VPS8: variants seen among roughly 807,000 people sequenced by gnomAD.
VPS8 encodes the protein VPS8 subunit of CORVET complex.
A neutral mutation model predicts 216.4 loss-of-function variants in VPS8; 129 were observed. The ratio of observed to expected loss-of-function variants is 0.60; its 90% CI spans 0.52 to 0.69. The LOEUF is 0.69. Ranked by LOEUF, VPS8 falls within the 30% of genes least tolerant of loss-of-function variation. VPS8 has a pLI of 0.00. For missense variants in VPS8, 1,531 were observed against 1,683.5 expected (o/e 0.91, Z 1.59); for synonymous variants, 571 against 565.4 (o/e 1.01, Z -0.14).
chr3:184,947,549 G>GT lies in VPS8; in HGVS notation c.3035+7319dup, dbSNP rs759863415. Among the ~76,000 whole-genome samples, 642 of 144,530 alleles carry GT rather than the reference G, an allele frequency of 4.4e-3. 2 individuals carry two copies. The highest frequency in any genetic ancestry group is 0.025 in the Middle Eastern group (7 of 282). 94.8% of individuals were successfully genotyped at this position (144,530 alleles called of 152,430 possible). The stretch of plus-strand genomic sequence containing the variant: ...TTTCAGGAGGTGATGTTGTGGGCAG[G>GT]TTTTTTTTTTTTTAAATCAAAATCA... On this transcript the variant is annotated intron_variant, in intron 36 of 47. Transcript: ENST00000625842.
intron 45 of VPS8, among the ~76,000 whole-genome samples, chr3:185,019,887 G>T (rs1756404111): frequency 6.6e-6 from 1 of 152,180 alleles, no homozygotes; most frequent in African/African-American, 2.4e-5. Context: ...GCGTCACTTT[G>T]GTTCAGGCCA....
At chr3:184,956,785 T>C (rs879739807) in intron 36 of VPS8, among the ~76,000 whole-genome samples, 2 of 152,146 alleles carry the variant, frequency 1.3e-5, no homozygotes, top group Non-Finnish European at 2.9e-5. Flanking sequence ...CCCATAAATA[T>C]TGTGTATTTT....
intron 25 of VPS8, among the ~76,000 whole-genome samples, chr3:184,907,265 G>T (rs776612622): frequency 2.6e-5 from 4 of 152,140 alleles, no homozygotes; most frequent in African/African-American, 4.8e-5. Flanking sequence ...AATTTAGTCT[G>T]GCTCAGTGAA....
At chr3:184,910,181 G>A (rs960087491) in intron 25 of VPS8, among the ~76,000 whole-genome samples, 6 of 132,690 alleles carry the variant, frequency 4.5e-5, no homozygotes, top group Non-Finnish European at 7.6e-5. Context: ...CGCCCAGGCC[G>A]TTACTGCAGT....
At chr3:184,939,623 C>T (rs1277379256) in intron 35 of VPS8, among the ~76,000 whole-genome samples, 1 of 150,354 alleles carries the variant, frequency 6.7e-6, no homozygotes, top group African/African-American at 2.5e-5. Context: ...CAGAAAGTCA[C>T]GTAAGTGAGT....
chr3:184,960,771 T>C (rs554535732), intron 37 of VPS8, among the ~76,000 whole-genome samples: 1 of 152,278 alleles, frequency 6.6e-6, no homozygotes, highest in South Asian at 2.1e-4. Flanking sequence ...TTTAAAAGAT[T>C]GGATCAGAAT....
At chr3:184,959,846 T>A (rs1479995323) in intron 37 of VPS8, among the ~76,000 whole-genome samples, 1 of 152,106 alleles carries the variant, frequency 6.6e-6, no homozygotes, top group African/African-American at 2.4e-5. Context: ...TTTTTTTAAT[T>A]TTTTTATTAT....
At chr3:184,877,235 TA>T (rs1729430050) in intron 21 of VPS8, among the ~76,000 whole-genome samples, 1 of 152,324 alleles carries the variant, frequency 6.6e-6, no homozygotes, top group East Asian at 1.9e-4. Context: ...TCTAAAATAC[TA>T]TGCACTGAAG....
At chr3:184,858,316 AAG>A (rs1233373910) in intron 14 of VPS8, among the ~76,000 whole-genome samples, 1 of 152,208 alleles carries the variant, frequency 6.6e-6, no homozygotes, top group Non-Finnish European at 1.5e-5. Context: ...GAACTTCAAA[AAG>A]TTTGTGGAAA....
chr3:184,977,583 G>T (rs906701279), intron 40 of VPS8, among the ~76,000 whole-genome samples: 1 of 152,024 alleles, frequency 6.6e-6, no homozygotes, highest in Non-Finnish European at 1.5e-5. Context: ...TTTATACTCT[G>T]AGGTCTTACA....
chr3:184,894,960 A>G, intron 23 of VPS8, 35 bp downstream of exon 23: 1 of 1,525,966 alleles, frequency 6.6e-7, no homozygotes, highest in African/African-American at 1.4e-5. Context: ...CTTATGAAAT[A>G]AACTTCATTC....
At chr3:184,990,638 G>A (rs1335815505) in intron 42 of VPS8, among the ~76,000 whole-genome samples, 4 of 152,156 alleles carry the variant, frequency 2.6e-5, no homozygotes, top group Admixed American at 2.0e-4. Flanking sequence ...AGTTTATTCA[G>A]TTTTGAAATG....
At position 184,853,981 on chromosome 3, in the gene VPS8, T is replaced by A; in HGVS notation, c.946T>A (p.Ser316Thr). 1 of 1,613,784 alleles carries A rather than the reference T, an allele frequency of 6.2e-7. No homozygotes were observed. Among genetic ancestry groups the A allele is most frequent in the Middle Eastern group, 1.6e-4 (1 of 6,062 alleles). ...ELKDHPITQF[S>T]LLAMASLTKI... ...GAAAGATCATCCCATCACACAGTTT[T>A]CATTATTGGCCATGGCATCCTTGAC... is the stretch of plus-strand genomic sequence containing the variant. The change falls in exon 12 of 48, where the codon TCA becomes ACA. Residue 316 changes from serine to threonine, a missense_variant. Transcript: ENST00000625842.
intron 32 of VPS8, among the ~76,000 whole-genome samples, chr3:184,929,243 G>GA (rs1386891226): frequency 6.6e-6 from 1 of 152,016 alleles, no homozygotes; most frequent in Non-Finnish European, 1.5e-5. Flanking sequence ...GACCAGGCTG[G>GA]AGTGCAGTGG....
rs760157188 is a variant in VPS8, at chr3:184,894,942, T to G, written c.2004+17T>G. The G allele has an allele frequency of 3.2e-6, 5 of 1,568,078 alleles. No individual in the cohort carries two copies. The South Asian group carries it at 5.8e-5, about 18-fold the overall frequency. ...ATTCAGCAGGTGAGTTTATAGACAGTCTACTAACTTATGAAATAAACTTCA... is the reference window on the plus strand; with the variant it reads ...ATTCAGCAGGTGAGTTTATAGACAGGCTACTAACTTATGAAATAAACTTCA... On this transcript the variant is annotated intron_variant, in intron 23 of 47. Transcript: ENST00000625842.
intron 10 of VPS8, 49 bp from the exon 11 acceptor site, chr3:184,852,451 A>T (rs1724478071): frequency 6.4e-7 from 1 of 1,561,070 alleles, no homozygotes; most frequent in Non-Finnish European, 8.8e-7. Context: ...CCTCCTTAAT[A>T]CTTGACTGTT....
intron 40 of VPS8, among the ~76,000 whole-genome samples, chr3:184,973,575 G>C (rs902188562): frequency 2.0e-5 from 3 of 151,954 alleles, no homozygotes; most frequent in Non-Finnish European, 4.4e-5. Context: ...GTCTTCTAGC[G>C]GTTTTGAAAT....
chr3:184,895,467 G>A (rs948352505), intron 23 of VPS8, among the ~76,000 whole-genome samples: 4 of 151,580 alleles, frequency 2.6e-5, no homozygotes, highest in South Asian at 2.1e-4. Flanking sequence ...AAATACTTCC[G>A]CTGTATCTGA....
At position 184,870,700 on chromosome 3, in the gene VPS8, G is replaced by C. The variant is rs778107446; in HGVS notation, c.1645-16G>C. On this transcript the variant is annotated splice_polypyrimidine_tract_variant and intron_variant, in intron 20 of 47. Transcript: ENST00000625842. Reference sequence around the variant, plus strand: ...AGATATATTTTAATGTCTATGCCAGGCTGTTTTCCTTACAGATGGTAGAAA... The same window carrying C: ...AGATATATTTTAATGTCTATGCCAGCCTGTTTTCCTTACAGATGGTAGAAA... 6.3e-7 allele frequency: 1 copy of C among 1,597,240 alleles called. No individual in the cohort carries two copies. Among genetic ancestry groups the C allele is most frequent in the East Asian group, 2.2e-5 (1 of 44,518 alleles).
Sources: allele counts gnomAD v4.1 joint callset (sites outside exome capture counted in the v4.1 genomes callset), GRCh38; gene constraint gnomAD v4.1.1; transcripts MANE v1.5; gene names NCBI Gene and HGNC (gene_info 2026-07-23, HGNC 2026-07-21).